Variants in USP34 observed in about 807,000 individuals in gnomAD.
USP34 encodes the protein ubiquitin specific peptidase 34.
Under a neutral mutation model 460.3 loss-of-function variants are expected in USP34, and 70 were observed. That is an observed-to-expected ratio of 0.15 (90% confidence interval 0.13 to 0.19). USP34 has a LOEUF of 0.19. Among genes scored for constraint, USP34 ranks in the 10% least tolerant of loss-of-function variants. USP34 has a pLI of 1.00. For synonymous variants in USP34, 1,647 were observed against 1,405.3 expected, an observed-to-expected ratio of 1.17 and a Z score of -3.85; for missense variants, 3,985 against 4,236.2, an observed-to-expected ratio of 0.94 and a Z score of 1.65.
chr2:61,457,006 C>T (rs1416523697), intron 1 of USP34, among the ~76,000 whole-genome samples: 1 of 150,652 alleles, frequency 6.6e-6, no homozygotes, highest in Non-Finnish European at 1.5e-5. Flanking sequence ...CCAGTGGTGA[C>T]TGCTCACACC....
chr2:61,381,533 G>A (rs1195197135), intron 6 of USP34, among the ~76,000 whole-genome samples: 1 of 151,940 alleles, frequency 6.6e-6, no homozygotes, highest in Non-Finnish European at 1.5e-5. Context: ...ATGGAGTCTC[G>A]CTATGTTGCC....
At chr2:61,322,415 G>T (rs2103703415) in intron 21 of USP34, among the ~76,000 whole-genome samples, 1 of 152,268 alleles carries the variant, frequency 6.6e-6, no homozygotes, top group African/African-American at 2.4e-5. Flanking sequence ...TGTGGCAGAA[G>T]ACAGACGAAC....
At chr2:61,194,371 G>A (rs1008536601) in intron 75 of USP34, among the ~76,000 whole-genome samples, 12 of 152,244 alleles carry the variant, frequency 7.9e-5, no homozygotes, top group African/African-American at 2.9e-4. Context: ...ATAGGGAAGA[G>A]AGTTCCTACG....
rs563538086 is a variant in USP34 at position 61,190,706 on chromosome 2, A to G, written c.9589-48T>C. The G allele has an allele frequency of 1.4e-5, 22 of 1,561,836 alleles. No homozygotes were observed. The African/African-American group carries it at 2.8e-4, about 20-fold the overall frequency. ...GAGCACTTACGGTTGAGCACGGAAA[A>G]AACTTACACGGAAAAAACTTACACA... is the stretch of plus-strand genomic sequence containing the variant. On this transcript the variant is annotated intron_variant, in intron 76 of 79. Transcript: ENST00000398571.
chr2:61,374,201 TG>T (rs1692723509), intron 8 of USP34, among the ~76,000 whole-genome samples: 1 of 146,402 alleles, frequency 6.8e-6, no homozygotes, highest in Non-Finnish European at 1.5e-5. Flanking sequence ...GGTTCAGAAG[TG>T]TTTAGATGCC....
At chr2:61,421,774 AACACACACACAC>A (rs34490089) in intron 1 of USP34, among the ~76,000 whole-genome samples, 7 of 149,184 alleles carry the variant, frequency 4.7e-5, no homozygotes, top group Non-Finnish European at 8.9e-5. Flanking sequence ...TTACATTTAA[AACACACACACAC>A]ACACACACAC....
At chr2:61,219,613 G>C (rs946641954) in intron 67 of USP34, among the ~76,000 whole-genome samples, 2 of 151,272 alleles carry the variant, frequency 1.3e-5, no homozygotes, top group African/African-American at 4.9e-5. Flanking sequence ...AGAGGTTGCA[G>C]TGTGCTGAGA....
chr2:61,319,056 T>C (rs1682377220), intron 22 of USP34, 117 bp downstream of exon 22: 3 of 996,530 alleles, frequency 3.0e-6, no homozygotes, highest in Non-Finnish European at 4.2e-6. Context: ...TAAAATTCAT[T>C]ACATTTGGCT....
At chr2:61,417,016 C>A in intron 2 of USP34, 1 of 1,326,428 alleles carries the variant, frequency 7.5e-7, no homozygotes, top group Middle Eastern at 2.1e-4. Context: ...GGTGAAGCCC[C>A]ACTTCTTCCA....
intron 1 of USP34, among the ~76,000 whole-genome samples, chr2:61,437,120 T>A (rs74369578): frequency 2.0e-5 from 3 of 152,152 alleles, no homozygotes; most frequent in African/African-American, 7.2e-5. Flanking sequence ...CAACCAATGA[T>A]GCATCTCAAG....
At chr2:61,360,546 A>G (rs914395189) in intron 10 of USP34, among the ~76,000 whole-genome samples, 1 of 152,226 alleles carries the variant, frequency 6.6e-6, no homozygotes, top group Non-Finnish European at 1.5e-5. Context: ...ATTAAAGAAG[A>G]AACACATAAA....
intron 1 of USP34, among the ~76,000 whole-genome samples, chr2:61,451,816 T>G (rs985140969): frequency 6.6e-6 from 1 of 152,108 alleles, no homozygotes; most frequent in Non-Finnish European, 1.5e-5. Flanking sequence ...ACTTCATACT[T>G]GATACCAAAA....
At chr2:61,467,932 C>G (rs1695827742) in intron 1 of USP34, among the ~76,000 whole-genome samples, 1 of 151,828 alleles carries the variant, frequency 6.6e-6, no homozygotes, top group African/African-American at 2.4e-5. Flanking sequence ...CCGGCCAACT[C>G]TGAATTTCTA....
chr2:61,359,185 A>G (rs976016965), intron 10 of USP34, among the ~76,000 whole-genome samples: 15 of 152,332 alleles, frequency 9.8e-5, no homozygotes, highest in African/African-American at 3.4e-4. Flanking sequence ...GAAAAAAAAG[A>G]AAAAACAAAA....
intron 48 of USP34, among the ~76,000 whole-genome samples, chr2:61,254,029 C>T (rs1688657332): frequency 6.6e-6 from 1 of 152,210 alleles, no homozygotes; most frequent in Admixed American, 6.5e-5. Flanking sequence ...GCCACCGTGC[C>T]TGGCCTGTTG....
chr2:61,401,106 G>A (rs372163412), intron 3 of USP34, among the ~76,000 whole-genome samples: 7 of 142,498 alleles, frequency 4.9e-5, no homozygotes, highest in South Asian at 4.4e-4. Context: ...AGCCGAGATC[G>A]CGCCATTGCA....
chr2:61,284,594 G>T (rs530510749), intron 35 of USP34, among the ~76,000 whole-genome samples: 20 of 152,142 alleles, frequency 1.3e-4, no homozygotes, highest in Non-Finnish European at 2.6e-4. Flanking sequence ...TTGGTCTTAG[G>T]AGATACACAA....
intron 5 of USP34, among the ~76,000 whole-genome samples, chr2:61,387,259 C>A (rs1225394790): frequency 1.3e-5 from 2 of 151,920 alleles, no homozygotes; most frequent in African/African-American, 4.8e-5. Flanking sequence ...GTCAGGAGTT[C>A]GAGACCAAGC....
At chr2:61,425,998 C>T (rs1398929982) in intron 1 of USP34, among the ~76,000 whole-genome samples, 1 of 152,006 alleles carries the variant, frequency 6.6e-6, no homozygotes, top group Non-Finnish European at 1.5e-5. Context: ...GCCCTAACTC[C>T]CAGACATTTC....
Sources: gnomAD v4.1 joint callset for allele counts (sites outside exome capture counted in the v4.1 genomes callset) on GRCh38, gnomAD v4.1.1 for gene constraint, MANE v1.5 for transcripts, NCBI Gene and HGNC (gene_info 2026-07-23, HGNC 2026-07-21) for gene names.